GDPD5: variants seen among roughly 807,000 people sequenced by gnomAD.
GDPD5 encodes the protein glycerophosphodiester phosphodiesterase 2.
In GDPD5, 48 loss-of-function variants were observed where a neutral mutation model predicts 75.1. The observed-to-expected ratio is 0.64, with a 90% confidence interval of 0.51 to 0.81. The LOEUF (loss-of-function observed/expected upper bound fraction) is 0.81. GDPD5 is among the 40% of genes least tolerant of loss of function. The pLI, the probability that GDPD5 is intolerant of heterozygous loss-of-function variation, is 0.00. For missense variants in GDPD5, 706 were observed against 822.6 expected (o/e 0.86, Z 1.73); for synonymous variants, 336 against 339.0 (o/e 0.99, Z 0.10).
chr11:75,449,675 G>T, intron 7 of GDPD5, 65 bp from the exon 8 acceptor site: 1 of 1,493,928 alleles, frequency 6.7e-7, no homozygotes, highest in Non-Finnish European at 9.1e-7. Flanking sequence ...TGTGTCACCA[G>T]CCTCCTACTT....
At chr11:75,458,761 T>C (rs1406652059) in intron 4 of GDPD5, among the ~76,000 whole-genome samples, 1 of 152,092 alleles carries the variant, frequency 6.6e-6, no homozygotes, top group Non-Finnish European at 1.5e-5. Context: ...GTGAGATGCA[T>C]GGTAACTACT....
chr11:75,516,992 T>A (rs142001338), intron 1 of GDPD5, among the ~76,000 whole-genome samples: 1 of 151,792 alleles, frequency 6.6e-6, no homozygotes, highest in Non-Finnish European at 1.5e-5. Context: ...AATCTGGGAG[T>A]AGCCAACCCG....
At chr11:75,443,620 G>A (rs1948898191) in intron 10 of GDPD5, among the ~76,000 whole-genome samples, 1 of 152,238 alleles carries the variant, frequency 6.6e-6, no homozygotes, top group Non-Finnish European at 1.5e-5. Context: ...CTGAGAGAGG[G>A]AAGTATCTAG....
At chr11:75,447,966 A>G (rs894025965) in intron 9 of GDPD5, among the ~76,000 whole-genome samples, 5 of 152,214 alleles carry the variant, frequency 3.3e-5, no homozygotes, top group Non-Finnish European at 7.4e-5. Flanking sequence ...AGTCTGGCTC[A>G]GGGGCTGGAG....
intron 1 of GDPD5, among the ~76,000 whole-genome samples, chr11:75,519,542 C>G (rs1289459776): frequency 6.6e-6 from 1 of 152,246 alleles, no homozygotes; most frequent in African/African-American, 2.4e-5. Context: ...AACAGCTAAC[C>G]TGCACTGAGT....
In GDPD5 at chr11:75,462,876, C is replaced by G. The variant is rs1949444094; in HGVS notation, c.131G>C (p.Trp44Ser). Residue 44 changes from tryptophan (W) to serine (S), a missense_variant, in exon 4 of 17, where the codon TGG (tryptophan) becomes TCG (serine). By Grantham distance (177) the Trp-to-Ser change is radical (BLOSUM62 -3). Coordinates refer to ENST00000336898, the MANE Select transcript of GDPD5 (RefSeq NM_030792.8). ...HDDTTPWERL[W>S]FLLLTFTFGL... ...AAAGGTGAAGGTGAGGAGCAGGAAC[C>G]AGAGGCGCTCCCACTGGAAGAGCAG... is the stretch of plus-strand genomic sequence containing the variant. 2 of 1,613,912 alleles carry G rather than the reference C, an allele frequency of 1.2e-6. No homozygotes were observed. The highest frequency in any genetic ancestry group is 1.7e-5 in the Admixed American group (1 of 60,002).
At chr11:75,501,417 G>A (rs937069275) in intron 1 of GDPD5, among the ~76,000 whole-genome samples, 1 of 152,342 alleles carries the variant, frequency 6.6e-6, no homozygotes, top group East Asian at 1.9e-4. Flanking sequence ...GACATGAGTG[G>A]GCACACTGGC....
At chr11:75,482,208 G>A (rs777139172) in intron 2 of GDPD5, among the ~76,000 whole-genome samples, 24 of 152,232 alleles carry the variant, frequency 1.6e-4, no homozygotes, top group African/African-American at 5.3e-4. Context: ...AAGTGCATGC[G>A]TCATGCCTCG....
chr11:75,444,834 C>T (rs1457990018), intron 9 of GDPD5, among the ~76,000 whole-genome samples: 1 of 152,098 alleles, frequency 6.6e-6, no homozygotes, highest in South Asian at 2.1e-4. Flanking sequence ...CTGAGCTAGA[C>T]ACTGGGGCTG....
intron 16 of GDPD5, among the ~76,000 whole-genome samples, chr11:75,436,256 A>G (rs1948622255): frequency 6.6e-6 from 1 of 152,178 alleles, no homozygotes; most frequent in South Asian, 2.1e-4. Context: ...TCGGCCATAT[A>G]GAGGGACACT....
intron 12 of GDPD5, among the ~76,000 whole-genome samples, chr11:75,442,032 C>T (rs1948830587): frequency 6.6e-6 from 1 of 152,194 alleles, no homozygotes; most frequent in Non-Finnish European, 1.5e-5. Flanking sequence ...GAGGGAAAAC[C>T]CAAACAGCCA....
In GDPD5 at chr11:75,518,071, TCA is replaced by T. The variant is rs1474866793; in HGVS notation, c.-145+7137_-145+7138del. On this transcript the variant is annotated intron_variant, in intron 1 of 16. Transcript: ENST00000336898. ...GATCCCACCCTAACCAGCGCCAGTC[TCA>T]GAGACCTGGCCTCAGGTGGCTGGGG... 2.6e-5 allele frequency among the ~76,000 whole-genome samples: 4 copies of T among 152,214 alleles called. No homozygotes were observed. In the East Asian group the frequency reaches 7.7e-4, roughly 29 times the overall value.
At chr11:75,522,502 AC>A in intron 1 of GDPD5, among the ~76,000 whole-genome samples, 1 of 141,304 alleles carries the variant, frequency 7.1e-6, no homozygotes, top group East Asian at 2.1e-4. Context: ...CCCCGTCACC[AC>A]CTCTCTGGAA....
At chr11:75,493,819 T>C (rs1950158885) in intron 1 of GDPD5, among the ~76,000 whole-genome samples, 1 of 152,220 alleles carries the variant, frequency 6.6e-6, no homozygotes, top group South Asian at 2.1e-4. Context: ...ATCCTTTATT[T>C]TGGCATTTCT....
chr11:75,462,428 G>A (rs1949433939), intron 4 of GDPD5, among the ~76,000 whole-genome samples: 1 of 152,188 alleles, frequency 6.6e-6, no homozygotes, highest in East Asian at 1.9e-4. Flanking sequence ...CATTCTTTAA[G>A]GCCCAGTTCC....
At chr11:75,439,830 G>A (rs1323916675) in intron 15 of GDPD5, 49 bp downstream of exon 15, 4 of 1,463,378 alleles carry the variant, frequency 2.7e-6, no homozygotes, top group Non-Finnish European at 2.9e-6. Context: ...TGGGGGCTGG[G>A]CCTGCTGCAG....
In GDPD5 at chr11:75,449,069, G is replaced by C; in HGVS notation, c.622C>G (p.Leu208Val). ...TFFTVVFALY[L>V]APLTISSPCI... is the part of the protein sequence containing the mutation. The stretch of plus-strand genomic sequence containing the variant: ...GGAGAGGAGATGGTGAGAGGGGCCA[G>C]GTAGAGGGCAAACACCACGGTGAAG... The change falls in exon 9 of 17, where the codon CTG (leucine) becomes GTG (valine). Residue 208 changes from leucine to valine, a missense_variant. Coordinates refer to ENST00000336898, the MANE Select transcript of GDPD5 (RefSeq NM_030792.8). 1 of 1,607,554 alleles carries C rather than the reference G, an allele frequency of 6.2e-7. No individual in the cohort carries two copies. The highest frequency in any genetic ancestry group is 1.3e-5 in the African/African-American group (1 of 74,582).
chr11:75,487,648 C>A (rs1950042450), intron 2 of GDPD5, among the ~76,000 whole-genome samples: 2 of 152,250 alleles, frequency 1.3e-5, no homozygotes, highest in African/African-American at 2.4e-5. Flanking sequence ...CTCTGATTGC[C>A]ATTCCTCTCG....
At chr11:75,472,309 C>A (rs1461833175) in intron 3 of GDPD5, among the ~76,000 whole-genome samples, 1 of 152,196 alleles carries the variant, frequency 6.6e-6, no homozygotes, top group Non-Finnish European at 1.5e-5. Flanking sequence ...TCCAGCCACA[C>A]CCTGGAGCCC....
Sources: gnomAD v4.1 joint callset for allele counts (sites outside exome capture counted in the v4.1 genomes callset) on GRCh38, gnomAD v4.1.1 for gene constraint, MANE v1.5 for transcripts, NCBI Gene and HGNC (gene_info 2026-07-23, HGNC 2026-07-21) for gene names.